Variants in MAP3K20 observed in about 807,000 individuals in gnomAD.
MAP3K20 encodes the protein HCCS-4.
MAP3K20 carries 40 observed loss-of-function variants against 85.7 expected under a neutral mutation model. The ratio of observed to expected loss-of-function variants is 0.47; its 90% CI spans 0.36 to 0.61. MAP3K20 has a LOEUF of 0.61. MAP3K20 is among the 20% of genes least tolerant of loss of function. The pLI, the probability that MAP3K20 is intolerant of heterozygous loss-of-function variation, is 0.00. For missense variants in MAP3K20, 817 were observed against 961.7 expected (o/e 0.85, Z 1.99); for synonymous variants, 325 against 327.7 (o/e 0.99, Z 0.09).
Position 173,263,725 on chromosome 2 carries a change from T to C in MAP3K20, c.1552-20T>C. ...TCTATTTGTCTTTTTTTTGTCTTTT[T>C]CGTTTGTTTGTTTTACCAGAGTGAT... is the stretch of plus-strand genomic sequence containing the variant. On this transcript the variant is annotated intron_variant, in intron 18 of 19. Coordinates refer to ENST00000375213, the MANE Select transcript of MAP3K20 (RefSeq NM_016653.3). 6.2e-7 allele frequency: 1 copy of C among 1,600,132 alleles called. No homozygotes were observed. The highest frequency in any genetic ancestry group is 1.7e-4 in the Middle Eastern group (1 of 6,018).
At chr2:173,247,950 G>GCAGGTCTTGCAGTGTTTTA (rs1684958225) in intron 16 of MAP3K20, among the ~76,000 whole-genome samples, 1 of 152,178 alleles carries the variant, frequency 6.6e-6, no homozygotes, top group African/African-American at 2.4e-5. Flanking sequence ...CTCTCTGAGG[G>GCAGGTCTTGCAGTGTTTTA]CAGGTCTTGC....
At chr2:173,172,885 C>T (rs1384113514) in intron 3 of MAP3K20, among the ~76,000 whole-genome samples, 3 of 151,894 alleles carry the variant, frequency 2.0e-5, no homozygotes, top group African/African-American at 4.8e-5. Context: ...GCAACCTCCA[C>T]CTCCTGAGTT....
intron 2 of MAP3K20, among the ~76,000 whole-genome samples, chr2:173,109,883 CAT>C (rs1687893727): frequency 6.6e-6 from 1 of 151,962 alleles, no homozygotes; most frequent in South Asian, 2.1e-4. Flanking sequence ...TTTCCAGAAA[CAT>C]ATTTTAAGGC....
intron 2 of MAP3K20, among the ~76,000 whole-genome samples, chr2:173,152,551 TG>T (rs1239118025): frequency 6.6e-6 from 1 of 152,192 alleles, no homozygotes; most frequent in Non-Finnish European, 1.5e-5. Context: ...ACTTATCGAA[TG>T]CTCTTAAAGG....
At chr2:173,115,735 G>C (rs558058900) in intron 2 of MAP3K20, among the ~76,000 whole-genome samples, 35 of 152,230 alleles carry the variant, frequency 2.3e-4, no homozygotes, top group African/African-American at 8.2e-4. Context: ...TGGTACTGGG[G>C]GTTGTCTGCA....
chr2:173,103,900 C>T (rs1485677488), intron 2 of MAP3K20, among the ~76,000 whole-genome samples: 2 of 152,146 alleles, frequency 1.3e-5, no homozygotes, highest in South Asian at 4.1e-4. Context: ...AGGTAACTTT[C>T]TTTTCTGTAA....
chr2:173,080,405 G>C (rs1256479084), intron 1 of MAP3K20, among the ~76,000 whole-genome samples: 1 of 152,188 alleles, frequency 6.6e-6, no homozygotes, highest in Non-Finnish European at 1.5e-5. Context: ...CAAGGAACAA[G>C]GGTAATTTAT....
At chr2:173,079,002 A>G (rs982842917) in intron 1 of MAP3K20, among the ~76,000 whole-genome samples, 3 of 152,158 alleles carry the variant, frequency 2.0e-5, no homozygotes, top group African/African-American at 7.2e-5. Context: ...CTTCCTAAGG[A>G]TAAGTACAGT....
chr2:173,125,406 G>A (rs1013028908), intron 2 of MAP3K20, among the ~76,000 whole-genome samples: 3 of 152,092 alleles, frequency 2.0e-5, no homozygotes, highest in Non-Finnish European at 2.9e-5. Flanking sequence ...GCAAAATAAG[G>A]ATCTCAGATT....
At chr2:173,090,762 A>G (rs905743957) in intron 1 of MAP3K20, 2 of 1,111,496 alleles carry the variant, frequency 1.8e-6, no homozygotes, top group South Asian at 3.2e-5. Context: ...TATCTGAGCC[A>G]TTTCTCTGTG....
intron 2 of MAP3K20, among the ~76,000 whole-genome samples, chr2:173,126,310 G>A (rs1372456982): frequency 6.6e-6 from 1 of 152,084 alleles, no homozygotes; most frequent in Non-Finnish European, 1.5e-5. Flanking sequence ...GTATTCTAGT[G>A]GTGATATTGG....
intron 7 of MAP3K20, among the ~76,000 whole-genome samples, chr2:173,192,165 T>C (rs1284446042): frequency 1.3e-5 from 2 of 152,194 alleles, no homozygotes; most frequent in African/African-American, 4.8e-5. Context: ...GCAGCCTGTT[T>C]TAGGTCCAAA....
At chr2:173,145,357 A>C (rs1280609238) in intron 2 of MAP3K20, among the ~76,000 whole-genome samples, 1 of 152,250 alleles carries the variant, frequency 6.6e-6, no homozygotes, top group Non-Finnish European at 1.5e-5. Flanking sequence ...CTGGGAGAGC[A>C]TGTTTATAAT....
intron 4 of MAP3K20, among the ~76,000 whole-genome samples, chr2:173,185,817 T>A (rs1245439770): frequency 6.6e-6 from 1 of 152,224 alleles, no homozygotes; most frequent in East Asian, 1.9e-4. Flanking sequence ...AAAGGAACAA[T>A]TAAAGCAGAT....
chr2:173,114,542 C>A (rs965406961), intron 2 of MAP3K20, among the ~76,000 whole-genome samples: 1 of 152,068 alleles, frequency 6.6e-6, no homozygotes, highest in Non-Finnish European at 1.5e-5. Context: ...TGATGCGTTT[C>A]TAGGATTTGT....
intron 11 of MAP3K20, chr2:173,226,729 A>G (rs1204992829): frequency 1.2e-5 from 12 of 985,822 alleles, no homozygotes; most frequent in South Asian, 4.7e-5. Context: ...GCAGAATAGT[A>G]TATCTTTTAA....
intron 12 of MAP3K20, among the ~76,000 whole-genome samples, 191 bp from the exon 13 acceptor site, chr2:173,232,001 G>A (rs534834263): frequency 2.0e-5 from 3 of 152,298 alleles, no homozygotes; most frequent in Admixed American, 6.5e-5. Flanking sequence ...CAAGACCCCC[G>A]AAGAGAGGGA....
chr2:173,109,702 C>A lies in MAP3K20; in HGVS notation c.159+18512C>A, dbSNP rs142251372. Among the ~76,000 whole-genome samples the A allele has an allele frequency of 1.5e-3, 232 of 152,144 alleles. 2 individuals are homozygous for A. Among genetic ancestry groups the A allele is most frequent in the African/African-American group, 5.3e-3 (219 of 41,512 alleles). On this transcript the variant is annotated intron_variant, in intron 2 of 19. Coordinates refer to ENST00000375213, the MANE Select transcript of MAP3K20 (RefSeq NM_016653.3). Reference sequence around the variant, plus strand: ...GTTTAGAAAAGAGAGTGTATGGTGACCTTCTCTGCTCTCTGGAAGGGCACT... The same window carrying A: ...GTTTAGAAAAGAGAGTGTATGGTGAACTTCTCTGCTCTCTGGAAGGGCACT...
intron 7 of MAP3K20, among the ~76,000 whole-genome samples, chr2:173,194,609 CTT>C (rs1690765500): frequency 6.6e-6 from 1 of 151,840 alleles, no homozygotes; most frequent in Admixed American, 6.6e-5. Context: ...TTTTTTATGT[CTT>C]TTCAAAAATA....
Sources: allele counts gnomAD v4.1 joint callset (sites outside exome capture counted in the v4.1 genomes callset), GRCh38; gene constraint gnomAD v4.1.1; transcripts MANE v1.5; gene names NCBI Gene and HGNC (gene_info 2026-07-23, HGNC 2026-07-21).